The following N4BP2 variants were observed in gnomAD, a reference collection of about 807,000 sequenced individuals.
N4BP2 encodes NEDD4-binding protein 2.
N4BP2 carries 91 observed loss-of-function variants against 152.8 expected under a neutral mutation model. The observed-to-expected ratio is 0.60, with a 90% CI of 0.50 to 0.71. N4BP2 has a LOEUF of 0.71. Among genes scored for constraint, N4BP2 ranks in the 30% least tolerant of loss-of-function variants. N4BP2 has a pLI of 0.00. For synonymous variants in N4BP2, 646 were observed against 705.3 expected (o/e 0.92, Z 1.33); for missense variants, 1,923 against 2,059.1 (o/e 0.93, Z 1.28).
At chr4:40,106,821 T>G (rs568734875) in intron 4 of N4BP2, 79 bp from the exon 5 acceptor site, 1 of 1,369,818 alleles carries the variant, frequency 7.3e-7, no homozygotes, top group East Asian at 2.3e-5. Context: ...ATAATTTATT[T>G]TGTTTATGAC....
intron 16 of N4BP2, among the ~76,000 whole-genome samples, chr4:40,146,613 A>G (rs1293681999): frequency 6.6e-6 from 1 of 152,220 alleles, no homozygotes; most frequent in Non-Finnish European, 1.5e-5. Flanking sequence ...TAAAGTGATT[A>G]CCACAATGAA....
At chr4:40,113,548 G>A (rs1021464527) in intron 7 of N4BP2, 40 bp downstream of exon 7, 13 of 1,350,660 alleles carry the variant, frequency 9.6e-6, no homozygotes, top group African/African-American at 7.2e-5. Flanking sequence ...TTTATGTAAC[G>A]ACAGACAGAC....
In N4BP2 at chr4:40,102,350, G is replaced by A; in HGVS notation, c.505G>A (p.Asp169Asn). 6.2e-7 allele frequency: 1 copy of A among 1,613,170 alleles called. No homozygotes were observed. The highest frequency in any genetic ancestry group is 8.5e-7 in the Non-Finnish European group (1 of 1,179,756). The change falls in exon 4 of 18, where the codon GAT becomes AAT. Residue 169 changes from aspartate to asparagine, a missense_variant. Coordinates refer to ENST00000261435, the MANE Select transcript of N4BP2 (RefSeq NM_018177.6). ...AGTATACTCATTTTTGCCTTCACAA[G>A]ATGTTAATAGTTTTAATGACTCAAG... Reference protein sequence around the residue: ...DQVYSFLPSQDVNSFNDSSEF... With the variant: ...DQVYSFLPSQNVNSFNDSSEF...
intron 1 of N4BP2, among the ~76,000 whole-genome samples, chr4:40,068,440 G>GT (rs1711777371): frequency 6.6e-6 from 1 of 152,146 alleles, no homozygotes; most frequent in Admixed American, 6.6e-5. Flanking sequence ...CGAGTTTTAA[G>GT]TTTAAGGTCT....
downstream of N4BP2, among the ~76,000 whole-genome samples, chr4:40,159,107 A>T (rs1034110706): frequency 1.3e-5 from 2 of 152,230 alleles, no homozygotes; most frequent in African/African-American, 4.8e-5. Context: ...GACTTAGAGA[A>T]GTTAACTGGT....
chr4:40,068,078 A>G (rs1348002842), intron 1 of N4BP2, among the ~76,000 whole-genome samples: 1 of 152,192 alleles, frequency 6.6e-6, no homozygotes, highest in African/African-American at 2.4e-5. Context: ...ATTAGTGATA[A>G]GTATCTTTTC....
chr4:40,115,335 A>G (rs932326704), intron 7 of N4BP2, among the ~76,000 whole-genome samples: 5 of 152,096 alleles, frequency 3.3e-5, no homozygotes, highest in South Asian at 2.1e-4. Context: ...TGACTCTACA[A>G]AAAATAAAAA....
At chr4:40,142,275 G>T (rs1300843298) in intron 14 of N4BP2, 3 of 321,830 alleles carry the variant, frequency 9.3e-6, no homozygotes, top group Non-Finnish European at 1.8e-5. Flanking sequence ...AACTGCTCTG[G>T]TTCCTTTGGA....
intron 5 of N4BP2, among the ~76,000 whole-genome samples, chr4:40,108,113 C>A (rs182626928): frequency 1.7e-3 from 258 of 148,280 alleles, no homozygotes; most frequent in African/African-American, 6.0e-3. Flanking sequence ...TTTTTAGTAG[C>A]GACGGGGTTT....
chr4:40,156,341 A>G lies in N4BP2; in HGVS notation c.*2104A>G, dbSNP rs1302504938. On this transcript the variant is annotated 3_prime_UTR_variant, in exon 18 of 18. Transcript: ENST00000261435. ...GTGTGGTATTCCGTGGGCAGAAGTC[A>G]AATGAAAAAAGCTATATTGTTTACT... The G allele has an allele frequency of 6.6e-6, 1 of 152,170 alleles. No individual in the cohort carries two copies. Among genetic ancestry groups the G allele is most frequent in the Non-Finnish European group, 1.5e-5 (1 of 67,986 alleles). The allele number at this position is 152,170 out of a possible 1,614,324, so 9.4% of individuals were successfully genotyped here.
the N4BP2 span, among the ~76,000 whole-genome samples, chr4:40,164,947 G>T: frequency 2.6e-3 from 398 of 152,274 alleles, 3 homozygotes; most frequent in African/African-American, 9.1e-3. Context: ...GAGCTGTAGA[G>T]TAAGAAGAGC....
the N4BP2 span, among the ~76,000 whole-genome samples, chr4:40,178,757 C>T: frequency 1.3e-5 from 2 of 152,086 alleles, no homozygotes; most frequent in East Asian, 3.9e-4. Flanking sequence ...GAACGAACTT[C>T]CTTTCAATAT....
chr4:40,153,050 A>G, intron 17 of N4BP2, 147 bp downstream of exon 17: 1 of 579,184 alleles, frequency 1.7e-6, no homozygotes, highest in Non-Finnish European at 2.8e-6. Context: ...ACTCAGAACA[A>G]TCTGTTAAAA....
intron 1 of N4BP2, among the ~76,000 whole-genome samples, chr4:40,064,962 G>T (rs1733930867): frequency 6.6e-6 from 1 of 152,042 alleles, no homozygotes; most frequent in African/African-American, 2.4e-5. Flanking sequence ...TAGAGATGGG[G>T]TTTTACCATG....
intron 2 of N4BP2, among the ~76,000 whole-genome samples, chr4:40,083,617 T>C (rs1713625653): frequency 2.0e-5 from 3 of 152,174 alleles, no homozygotes; most frequent in African/African-American, 7.2e-5. Flanking sequence ...TTCATATAAA[T>C]GCCTAGAATA....
Position 40,126,228 on chromosome 4 carries a change from T to C in N4BP2, c.4425T>C (p.Ser1475=). 2 of 1,608,640 alleles carry C rather than the reference T, an allele frequency of 1.2e-6. No homozygotes were observed. The highest frequency in any genetic ancestry group is 2.2e-5 in the South Asian group (2 of 90,082). Residue 1475 remains serine, a synonymous_variant, in exon 12 of 18, where the codon TCT becomes TCC. Coordinates refer to ENST00000261435, the MANE Select transcript of N4BP2 (RefSeq NM_018177.6). ...GKKLLKTLTA[S]EMLPLLDHWN... ...AATTACTGAAGACTTTAACAGCATC[T>C]GAAATGCTACCTTTATTGGATCATT... is the stretch of plus-strand genomic sequence containing the variant.
intron 17 of N4BP2, 30 bp downstream of exon 17, chr4:40,152,933 G>A: frequency 1.2e-6 from 2 of 1,607,846 alleles, no homozygotes; most frequent in South Asian, 2.2e-5. Context: ...ATTAATAATG[G>A]CAACTGCCCA....
At chr4:40,184,888 G>A in the N4BP2 span, among the ~76,000 whole-genome samples, 8 of 151,980 alleles carry the variant, frequency 5.3e-5, no homozygotes, top group East Asian at 1.9e-4. Flanking sequence ...CCTGGGAGGC[G>A]GAGGTTGCAG....
chr4:40,173,838 CT>C, the N4BP2 span, among the ~76,000 whole-genome samples: 1 of 152,350 alleles, frequency 6.6e-6, no homozygotes, highest in African/African-American at 2.4e-5. Context: ...CTCTGCTCCC[CT>C]GTCCTCTCCT....
Sources: allele counts gnomAD v4.1 joint callset (sites outside exome capture counted in the v4.1 genomes callset), GRCh38; gene constraint gnomAD v4.1.1; transcripts MANE v1.5; gene names NCBI Gene and HGNC (gene_info 2026-07-23, HGNC 2026-07-21).